Variants in CDIN1 observed in about 807,000 individuals in gnomAD.
CDIN1 encodes CDAN1-interacting nuclease 1.
In CDIN1, 33 loss-of-function variants were observed where a neutral mutation model predicts 45.3. The observed-to-expected ratio is 0.73, with a 90% CI of 0.55 to 0.97. CDIN1 has a LOEUF of 0.97. CDIN1 is among the 50% of genes least tolerant of loss of function. The pLI, the probability that CDIN1 is intolerant of heterozygous loss-of-function variation, is 0.00. For missense variants in CDIN1, 303 were observed against 339.4 expected (o/e 0.89, Z 0.84); for synonymous variants, 118 against 124.4 (o/e 0.95, Z 0.34).
chr15:36,751,782 T>C (rs1014526003), intron 10 of CDIN1, among the ~76,000 whole-genome samples: 41 of 151,910 alleles, frequency 2.7e-4, no homozygotes, highest in Non-Finnish European at 8.8e-5. Context: ...ATAAAGAAAA[T>C]GTGGTACATA....
chr15:36,722,984 TG>T (rs373327205), intron 10 of CDIN1, among the ~76,000 whole-genome samples: 37,899 of 135,248 alleles, frequency 0.28, 5,030 homozygotes, highest in East Asian at 0.44. Context: ...TGTGTGTGTG[TG>T]TTTCTCTCTC....
rs370041510 is a variant in CDIN1, at chr15:36,619,469, T to TTCTATCTATCTG, written c.102-24798_102-24797insGTCTATCTATCT. 2.1e-3 allele frequency among the ~76,000 whole-genome samples: 304 copies of TTCTATCTATCTG among 147,164 alleles called. 2 individuals are homozygous for TTCTATCTATCTG. Among genetic ancestry groups the TTCTATCTATCTG allele is most frequent in the African/African-American group, 7.0e-3 (277 of 39,658 alleles). ...ATGTGATTTATAAATGCTGGAGGAT[T>TTCTATCTATCTG]TCTATCTATCTATCTATCTATCTAT... On this transcript the variant is annotated intron_variant, in intron 1 of 10. Coordinates refer to ENST00000566621, the MANE Select transcript of CDIN1 (RefSeq NM_001321759.2).
chr15:36,626,786 G>T, intron 1 of CDIN1: 1 of 339,230 alleles, frequency 2.9e-6, no homozygotes, highest in East Asian at 9.3e-5. Flanking sequence ...GATGATGATG[G>T]GGGTCAGGGT....
chr15:36,800,909 G>GTGTGTGTGTGTATA (rs1156514805), intron 10 of CDIN1, among the ~76,000 whole-genome samples: 1 of 22,374 alleles, frequency 4.5e-5, no homozygotes, highest in African/African-American at 9.0e-5. Flanking sequence ...GTGTGTGTGT[G>GTGTGTGTGTGTATA]TATATATATA....
At position 36,701,118 on chromosome 15, in the gene CDIN1, GTAGGTAGATAGATAGATAGATAGA is replaced by G. The variant is rs1261226999; in HGVS notation, c.544+3732_544+3755del. Among the ~76,000 whole-genome samples, 16 of 107,130 alleles carry G rather than the reference GTAGGTAGATAGATAGATAGATAGA, an allele frequency of 1.5e-4. 1 individual carries two copies. Among genetic ancestry groups the G allele is most frequent in the East Asian group, 5.0e-4 (2 of 4,010 alleles). The allele number at this position is 107,130 out of a possible 152,430, so 70.3% of individuals were successfully genotyped here. A position where few individuals can be genotyped will look rare whatever the true frequency, so the allele number is the denominator to read the frequency against. On this transcript the variant is annotated intron_variant, in intron 8 of 10. Transcript: ENST00000566621. Reference sequence around the variant, plus strand: ...GGTAGGTAGATAGATAGATAGATAGGTAGGTAGATAGATAGATAGATAGATAGATAGATAGATAGATAGATAGAT... The same window carrying G: ...GGTAGGTAGATAGATAGATAGATAGGTAGATAGATAGATAGATAGATAGAT...
intron 4 of CDIN1, among the ~76,000 whole-genome samples, chr15:36,656,024 G>A (rs1488904042): frequency 3.3e-5 from 5 of 152,072 alleles, no homozygotes; most frequent in Non-Finnish European, 7.4e-5. Context: ...AAGAGAAAAC[G>A]TAGTTGTTTA....
In CDIN1 at chr15:36,808,381, C is replaced by G. The variant is rs760421522; in HGVS notation, c.774C>G (p.Asn258Lys). 2.5e-5 allele frequency: 41 copies of G among 1,613,494 alleles called. No individual in the cohort carries two copies. The highest frequency in any genetic ancestry group is 8.5e-7 in the Non-Finnish European group (1 of 1,179,658). The change falls in exon 11 of 11, where the codon AAC (asparagine) becomes AAG (lysine). Residue 258 changes from asparagine (N) to lysine (K), a missense_variant. Transcript: ENST00000566621. ...GATTTATCCAGGAGCTGGACTGCAA[C>G]CGGGAAAGGGGCATCCTGCTCAAAG... ...WYGFIQELDC[N>K]RERGILLKAC...
At chr15:36,709,551 G>A (rs528218886) in intron 9 of CDIN1, among the ~76,000 whole-genome samples, 12 of 152,192 alleles carry the variant, frequency 7.9e-5, no homozygotes, top group Middle Eastern at 6.8e-3. Flanking sequence ...CTTAAACATA[G>A]ATCTCTTGAA....
chr15:36,691,838 A>G, intron 6 of CDIN1, 74 bp downstream of exon 6: 1 of 1,156,276 alleles, frequency 8.6e-7, no homozygotes, highest in Non-Finnish European at 1.3e-6. Context: ...TTTAAACCTC[A>G]TTTAATTACT....
rs572850629 is a variant in CDIN1, at chr15:36,768,098, G to T, written c.717-40226G>T. ...ACCCCCAGGACCCCTGCATCCAGAG[G>T]CTTATAGATTTCACGGACAGCCAGA... On this transcript the variant is annotated intron_variant, in intron 10 of 10. Transcript: ENST00000566621. 4.6e-5 allele frequency among the ~76,000 whole-genome samples: 7 copies of T among 152,304 alleles called. No individual in the cohort carries two copies. In the East Asian group the frequency reaches 1.3e-3, roughly 29 times the overall value.
intron 10 of CDIN1, among the ~76,000 whole-genome samples, chr15:36,747,423 T>G (rs981025867): frequency 4.6e-5 from 7 of 152,220 alleles, no homozygotes; most frequent in Non-Finnish European, 8.8e-5. Context: ...AAGTGAACTT[T>G]TCTCAAAGTT....
At chr15:36,794,473 C>A (rs1484739437) in intron 10 of CDIN1, among the ~76,000 whole-genome samples, 2 of 152,206 alleles carry the variant, frequency 1.3e-5, no homozygotes, top group Non-Finnish European at 2.9e-5. Context: ...CTACCCTTGG[C>A]AGCTACCTTT....
chr15:36,763,963 C>T (rs1473702603), intron 10 of CDIN1, among the ~76,000 whole-genome samples: 1 of 152,162 alleles, frequency 6.6e-6, no homozygotes, highest in Non-Finnish European at 1.5e-5. Flanking sequence ...AGTATCCATT[C>T]TCTATGCGTA....
At chr15:36,736,122 C>T (rs182371290) in intron 10 of CDIN1, among the ~76,000 whole-genome samples, 24 of 152,268 alleles carry the variant, frequency 1.6e-4, no homozygotes, top group Middle Eastern at 3.4e-3. Context: ...CTTCTTAGCC[C>T]AAGACCTTGC....
chr15:36,639,285 A>T (rs2140382723), intron 1 of CDIN1, among the ~76,000 whole-genome samples: 1 of 152,318 alleles, frequency 6.6e-6, no homozygotes, highest in Middle Eastern at 3.4e-3. Flanking sequence ...CAATAAAAGT[A>T]ACACTACAAC....
At chr15:36,596,849 A>C (rs777035644) in intron 1 of CDIN1, among the ~76,000 whole-genome samples, 100 of 152,218 alleles carry the variant, frequency 6.6e-4, no homozygotes, top group Non-Finnish European at 1.3e-3. Context: ...ACAGAAGAAG[A>C]AGCTACAGAA....
chr15:36,755,534 C>T (rs1463731915), intron 10 of CDIN1, among the ~76,000 whole-genome samples: 3 of 152,104 alleles, frequency 2.0e-5, no homozygotes, highest in Admixed American at 2.0e-4. Context: ...ATGAGTAGTG[C>T]AGTGTAATAT....
intron 10 of CDIN1, among the ~76,000 whole-genome samples, chr15:36,714,813 T>C (rs529412109): frequency 7.2e-5 from 11 of 152,178 alleles, no homozygotes; most frequent in Non-Finnish European, 1.3e-4. Context: ...TGAATGAACC[T>C]GAAAGGGCCC....
At chr15:36,626,062 A>G (rs1416448259) in intron 1 of CDIN1, among the ~76,000 whole-genome samples, 1 of 151,736 alleles carries the variant, frequency 6.6e-6, no homozygotes, top group Non-Finnish European at 1.5e-5. Context: ...TGTTATTGTC[A>G]TCAGGATATA....
Sources: gnomAD v4.1 joint callset for allele counts (sites outside exome capture counted in the v4.1 genomes callset) on GRCh38, gnomAD v4.1.1 for gene constraint, MANE v1.5 for transcripts, NCBI Gene and HGNC (gene_info 2026-07-23, HGNC 2026-07-21) for gene names.